Variants in C12orf42 observed in about 807,000 individuals in gnomAD.
C12orf42 encodes chromosome 12 open reading frame 42, also known as uncharacterized protein C12orf42.
Under a neutral mutation model 21.6 loss-of-function variants are expected in C12orf42, and 25 were observed. The observed-to-expected ratio is 1.16, with a 90% CI of 0.84 to 1.62. The LOEUF is 1.62. Among genes scored for constraint, C12orf42 ranks in the 40% most tolerant of loss-of-function variants. The pLI is 0.00. For missense variants in C12orf42, 483 were observed against 459.3 expected (o/e 1.05, Z -0.47); for synonymous variants, 174 against 175.0 (o/e 0.99, Z 0.05).
chr12:103,230,636 C>T, the C12orf42 span, among the ~76,000 whole-genome samples: 1 of 152,202 alleles, frequency 6.6e-6, no homozygotes, highest in East Asian at 1.9e-4. Context: ...CCCCCACTAC[C>T]ACTGGAGAAC....
chr12:103,257,953 T>G (rs1179034304), intron 10 of C12orf42, among the ~76,000 whole-genome samples: 1 of 152,000 alleles, frequency 6.6e-6, no homozygotes, highest in African/African-American at 2.4e-5. Context: ...CCTATGGTCA[T>G]CTAGAAAAGA....
chr12:103,325,853 C>T (rs766825364), intron 4 of C12orf42, among the ~76,000 whole-genome samples: 2 of 152,056 alleles, frequency 1.3e-5, no homozygotes, highest in Non-Finnish European at 2.9e-5. Context: ...CCTATGACAA[C>T]TTAAAGCATG....
At chr12:103,091,454 A>G in the C12orf42 span, among the ~76,000 whole-genome samples, 147 of 151,952 alleles carry the variant, frequency 9.7e-4, no homozygotes, top group Admixed American at 3.4e-3. Flanking sequence ...CGTTCTCCTC[A>G]TTTTGTTTTT....
the C12orf42 span, among the ~76,000 whole-genome samples, chr12:103,212,608 T>G: frequency 6.6e-6 from 1 of 152,228 alleles, no homozygotes; most frequent in South Asian, 2.1e-4. Flanking sequence ...GACATCTGTT[T>G]GTCTCTCTTT....
chr12:103,494,906 G>A (rs1955418951), intron 1 of C12orf42, among the ~76,000 whole-genome samples: 2 of 152,168 alleles, frequency 1.3e-5, no homozygotes, highest in South Asian at 2.1e-4. Context: ...AGTTGTCACA[G>A]GGAGAAGAGT....
chr12:103,376,961 T>G (rs2045753724), intron 3 of C12orf42, among the ~76,000 whole-genome samples: 1 of 152,058 alleles, frequency 6.6e-6, no homozygotes, highest in Non-Finnish European at 1.5e-5. Flanking sequence ...TTTTTCTTTC[T>G]ACTTTCTAAG....
intron 4 of C12orf42, among the ~76,000 whole-genome samples, chr12:103,345,069 AC>A (rs1296107899): frequency 6.6e-6 from 1 of 152,176 alleles, no homozygotes; most frequent in Admixed American, 6.5e-5. Context: ...AAGCACTGTG[AC>A]CTCAGTCACC....
intron 1 of C12orf42, among the ~76,000 whole-genome samples, chr12:103,492,002 G>A (rs1955220536): frequency 6.6e-6 from 1 of 152,042 alleles, no homozygotes; most frequent in Non-Finnish European, 1.5e-5. Context: ...TGTCACCCAG[G>A]TTGGAGGGCA....
chr12:103,077,251 T>C, the C12orf42 span, among the ~76,000 whole-genome samples: 2 of 152,184 alleles, frequency 1.3e-5, no homozygotes, highest in African/African-American at 2.4e-5. Flanking sequence ...GATTACCTCA[T>C]GTAGAAAACA....
At chr12:103,281,128 G>C (rs1456884575) in intron 4 of C12orf42, among the ~76,000 whole-genome samples, 1 of 152,166 alleles carries the variant, frequency 6.6e-6, no homozygotes, top group East Asian at 1.9e-4. Flanking sequence ...CTAAGATGAT[G>C]TCTATTTGAA....
At chr12:103,048,025 G>A in the C12orf42 span, among the ~76,000 whole-genome samples, 1 of 142,760 alleles carries the variant, frequency 7.0e-6, no homozygotes, top group Admixed American at 6.9e-5. Context: ...CATTACAAAG[G>A]AGCCTTTTAC....
chr12:103,344,933 T>C (rs981000663), intron 4 of C12orf42, among the ~76,000 whole-genome samples: 3 of 152,240 alleles, frequency 2.0e-5, no homozygotes, highest in African/African-American at 7.2e-5. Context: ...AAGGTAGCTC[T>C]GGGTGAATCA....
At chr12:103,307,128 C>A (rs540807781) in intron 4 of C12orf42, among the ~76,000 whole-genome samples, 1 of 152,088 alleles carries the variant, frequency 6.6e-6, no homozygotes, top group Non-Finnish European at 1.5e-5. Context: ...TTAAGTCACC[C>A]ATTTTGTGGT....
chr12:103,152,631 T>A, the C12orf42 span, among the ~76,000 whole-genome samples: 1 of 152,164 alleles, frequency 6.6e-6, no homozygotes, highest in East Asian at 1.9e-4. Flanking sequence ...TGACAATAAA[T>A]ATAGCAAGGT....
At chr12:103,317,683 T>C (rs1282121895) in intron 4 of C12orf42, among the ~76,000 whole-genome samples, 3 of 150,438 alleles carry the variant, frequency 2.0e-5, no homozygotes, top group Non-Finnish European at 2.9e-5. Context: ...AATAAGCCTA[T>C]GAGATTCTGA....
chr12:103,233,777 C>G (rs573208629), downstream of C12orf42, among the ~76,000 whole-genome samples: 5 of 152,252 alleles, frequency 3.3e-5, no homozygotes, highest in African/African-American at 1.2e-4. Context: ...CAAAGAAAGA[C>G]AGTTTTATTT....
intron 4 of C12orf42, among the ~76,000 whole-genome samples, chr12:103,307,823 T>C (rs1184088942): frequency 6.6e-6 from 1 of 152,168 alleles, no homozygotes; most frequent in Non-Finnish European, 1.5e-5. Flanking sequence ...ATTTGAGTGC[T>C]GAGATCTCTT....
At chr12:103,191,402 C>A in the C12orf42 span, among the ~76,000 whole-genome samples, 2 of 151,462 alleles carry the variant, frequency 1.3e-5, no homozygotes, top group Admixed American at 1.3e-4. Context: ...CCACTTTTAA[C>A]CTTAGTATAA....
the C12orf42 span, among the ~76,000 whole-genome samples, chr12:103,125,346 T>G: frequency 1.3e-5 from 2 of 152,048 alleles, no homozygotes; most frequent in Non-Finnish European, 2.9e-5. Context: ...GCCAATAAAA[T>G]TATCTATGAC....
Sources: gnomAD v4.1 joint callset for allele counts (sites outside exome capture counted in the v4.1 genomes callset) on GRCh38, gnomAD v4.1.1 for gene constraint, MANE v1.5 for transcripts, NCBI Gene and HGNC (gene_info 2026-07-23, HGNC 2026-07-21) for gene names.